The following LRP1B variants were observed in gnomAD, a reference collection of about 807,000 sequenced individuals.
LRP1B encodes the protein low-density lipoprotein receptor-related protein 1B.
LRP1B carries 217 observed loss-of-function variants against 556.6 expected under a neutral mutation model. The ratio of observed to expected loss-of-function variants is 0.39; its 90% confidence interval spans 0.35 to 0.44. The LOEUF (loss-of-function observed/expected upper bound fraction) is 0.44. Among genes scored for constraint, LRP1B ranks in the 20% least tolerant of loss-of-function variants. The pLI is 1.00. For missense variants in LRP1B, 5,053 were observed against 5,620.8 expected, an observed-to-expected ratio of 0.90 and a Z score of 3.23; for synonymous variants, 2,047 against 1,865.8, an observed-to-expected ratio of 1.10 and a Z score of -2.50.
intron 35 of LRP1B, among the ~76,000 whole-genome samples, chr2:140,733,186 C>A (rs753036223): frequency 2.6e-5 from 4 of 152,078 alleles, no homozygotes; most frequent in Non-Finnish European, 2.9e-5. Context: ...CTGAGTAGAC[C>A]TGCAATCTTC....
chr2:140,585,630 T>C (rs1327674390), intron 43 of LRP1B, among the ~76,000 whole-genome samples: 1 of 152,204 alleles, frequency 6.6e-6, no homozygotes, highest in African/African-American at 2.4e-5. Context: ...ACAGTTTTTT[T>C]GAACCAGTCC....
At chr2:141,646,766 C>T (rs951752862) in intron 2 of LRP1B, among the ~76,000 whole-genome samples, 1 of 152,086 alleles carries the variant, frequency 6.6e-6, no homozygotes, top group Non-Finnish European at 1.5e-5. Flanking sequence ...ATCAGAGAAA[C>T]GTAAGCAAGG....
chr2:141,341,956 C>A (rs1688073240), intron 3 of LRP1B, among the ~76,000 whole-genome samples: 1 of 151,918 alleles, frequency 6.6e-6, no homozygotes, highest in Admixed American at 6.6e-5. Context: ...GATATCATAA[C>A]CCAGGCGGCC....
intron 66 of LRP1B, among the ~76,000 whole-genome samples, chr2:140,390,825 T>C (rs1041030616): frequency 1.3e-5 from 2 of 148,328 alleles, no homozygotes; most frequent in African/African-American, 5.0e-5. Flanking sequence ...GAGTAGCAAA[T>C]TAAGGTTCTC....
At position 140,600,766 on chromosome 2, in the gene LRP1B, G is replaced by GTTTTTTTTT. The variant is rs1558996101; in HGVS notation, c.6989+683_6989+684insAAAAAAAAA. On this transcript the variant is annotated intron_variant, in intron 42 of 90. Transcript: ENST00000389484. ...TCCTTACCTGTGCTTTGTTCTTCGG[G>GTTTTTTTTT]GTTTTTTTTTTTTTTTTTTTTTTTT... Among the ~76,000 whole-genome samples, 153 of 46,162 alleles carry GTTTTTTTTT rather than the reference G, an allele frequency of 3.3e-3. 2 individuals are homozygous for GTTTTTTTTT. The highest frequency in any genetic ancestry group is 0.012 in the African/African-American group (147 of 12,152). The allele number at this position is 46,162 out of a possible 152,430, so 30.3% of individuals were successfully genotyped here.
At chr2:141,810,185 G>C (rs1696313185) in intron 2 of LRP1B, 94 bp downstream of exon 2, 3 of 1,002,354 alleles carry the variant, frequency 3.0e-6, no homozygotes. Flanking sequence ...AAGAAAGAAA[G>C]AATCATCTAG....
intron 41 of LRP1B, among the ~76,000 whole-genome samples, chr2:140,616,453 G>T (rs191220974): frequency 1.3e-5 from 2 of 149,114 alleles, no homozygotes; most frequent in East Asian, 3.9e-4. Context: ...AATTAATTTT[G>T]GAATAAAATA....
intron 1 of LRP1B, among the ~76,000 whole-genome samples, chr2:142,002,552 A>T (rs1242875470): frequency 6.6e-6 from 1 of 151,394 alleles, no homozygotes; most frequent in Admixed American, 6.6e-5. Context: ...ATTTATACAT[A>T]TCACATAATT....
intron 2 of LRP1B, among the ~76,000 whole-genome samples, chr2:141,652,278 A>G (rs1443725282): frequency 6.6e-6 from 1 of 152,212 alleles, no homozygotes; most frequent in African/African-American, 2.4e-5. Context: ...TCCAGAAAAA[A>G]TATCCAATTC....
At position 140,886,313 on chromosome 2, in the gene LRP1B, G is replaced by A. The variant is rs2105192749; in HGVS notation, c.3789C>T (p.Ile1263=). 1 of 1,594,012 alleles carries A rather than the reference G, an allele frequency of 6.3e-7. No individual in the cohort carries two copies. Among genetic ancestry groups the A allele is most frequent in the Non-Finnish European group, 8.6e-7 (1 of 1,168,460 alleles). ...TSVDPFEAFI[I]FSIRHEIRRI... is the part of the protein sequence containing the mutation. ...TTCTGATCTCATGACGAATAGAAAAGATGATGAATGCTTCAAAAGGATCTG... is the reference window on the plus strand; with the variant it reads ...TTCTGATCTCATGACGAATAGAAAAAATGATGAATGCTTCAAAAGGATCTG... The change falls in exon 24 of 91, where the codon ATC becomes ATT. Residue 1263 remains isoleucine (I), a synonymous_variant. Transcript: ENST00000389484.
intron 2 of LRP1B, among the ~76,000 whole-genome samples, chr2:141,780,887 T>C (rs1289074259): frequency 6.6e-6 from 1 of 152,156 alleles, no homozygotes; most frequent in African/African-American, 2.4e-5. Flanking sequence ...TAGTAGGATA[T>C]TTATTTAGGT....
intron 57 of LRP1B, among the ~76,000 whole-genome samples, chr2:140,487,968 C>G (rs1373360352): frequency 6.6e-6 from 1 of 151,702 alleles, no homozygotes; most frequent in African/African-American, 2.4e-5. Context: ...ACATAGGCCA[C>G]AAAATTTCAA....
At chr2:141,415,561 T>C (rs1691067310) in intron 3 of LRP1B, among the ~76,000 whole-genome samples, 1 of 152,204 alleles carries the variant, frequency 6.6e-6, no homozygotes, top group Non-Finnish European at 1.5e-5. Context: ...TGATGGATTA[T>C]TTTAAAATAA....
chr2:140,614,456 C>A (rs1457238116), intron 41 of LRP1B, among the ~76,000 whole-genome samples: 1 of 151,952 alleles, frequency 6.6e-6, no homozygotes, highest in Non-Finnish European at 1.5e-5. Flanking sequence ...AATCAAGTCA[C>A]TTAAAGGAAG....
intron 2 of LRP1B, among the ~76,000 whole-genome samples, chr2:141,683,998 G>T (rs554827034): frequency 6.6e-6 from 1 of 152,050 alleles, no homozygotes; most frequent in South Asian, 2.1e-4. Context: ...TGGTGGTAGT[G>T]TAAATTAGTT....
intron 32 of LRP1B, among the ~76,000 whole-genome samples, chr2:140,799,774 AGAG>A (rs1312060548): frequency 6.6e-6 from 1 of 152,152 alleles, no homozygotes; most frequent in African/African-American, 2.4e-5. Flanking sequence ...CTGCGGACGA[AGAG>A]GTTCCAAGAT....
rs560686714 is a variant in LRP1B at position 141,446,051 on chromosome 2, G to A, written c.343+34345C>T. Among the ~76,000 whole-genome samples the A allele has an allele frequency of 3.3e-5, 5 of 152,230 alleles. No homozygotes were observed. The South Asian group carries it at 1.0e-3, about 32-fold the overall frequency. ...TCTCCCATTATTATTGTGTGGGAGT[G>A]TAAGTCTCTTTGTAGGTCTCTAAGG... On this transcript the variant is annotated intron_variant, in intron 3 of 90. Transcript: ENST00000389484.
intron 2 of LRP1B, among the ~76,000 whole-genome samples, chr2:141,610,761 T>C (rs1688081399): frequency 6.6e-6 from 1 of 152,172 alleles, no homozygotes; most frequent in Admixed American, 6.5e-5. Context: ...GTTGTTGGCA[T>C]TTGGCAAATG....
rs539803284 is a variant in LRP1B at position 141,866,347 on chromosome 2, C to T, written c.83-55946G>A. On this transcript the variant is annotated intron_variant, in intron 1 of 90. Coordinates refer to ENST00000389484, the MANE Select transcript of LRP1B (RefSeq NM_018557.3). ...TATTTTCTAGTTAATATGGTCATAA[C>T]CACAAAAATGTTGTAATGAATTTGT... Among the ~76,000 whole-genome samples the T allele has an allele frequency of 3.9e-5, 6 of 151,998 alleles. No homozygotes were observed. In the East Asian group the frequency reaches 9.7e-4, roughly 25 times the overall value.
Sources: allele counts gnomAD v4.1 joint callset (sites outside exome capture counted in the v4.1 genomes callset), GRCh38; gene constraint gnomAD v4.1.1; transcripts MANE v1.5; gene names NCBI Gene and HGNC (gene_info 2026-07-23, HGNC 2026-07-21).